Variants in GRIN2B observed in about 807,000 individuals in gnomAD.
The protein encoded by GRIN2B is glutamate ionotropic receptor NMDA type subunit 2B.
GRIN2B carries 5 observed loss-of-function variants against 114.5 expected under a neutral mutation model. The observed-to-expected ratio is 0.04, with a 90% confidence interval of 0.02 to 0.09. GRIN2B has a LOEUF of 0.09. Among genes scored for constraint, GRIN2B ranks in the 10% least tolerant of loss-of-function variants. The probability of loss-of-function intolerance (pLI) is 1.00; values close to 1 mark genes in which losing one functional copy is unlikely to be tolerated. For missense variants in GRIN2B, 1,108 were observed against 1,943.5 expected (o/e 0.57, Z 8.08); for synonymous variants, 787 against 745.1 (o/e 1.06, Z -0.92).
chr12:13,749,965 T>G lies in GRIN2B; in HGVS notation c.1010+3352A>C, dbSNP rs1270941826. ...GAGATAAGGGAAGAATGGAGGTGTA[T>G]GGACAAGGGAGACATCCAAGAGATG... On this transcript the variant is annotated intron_variant, in intron 4 of 13. Coordinates refer to ENST00000609686, the MANE Select transcript of GRIN2B (RefSeq NM_000834.5). Among the ~76,000 whole-genome samples, 4 of 152,190 alleles carry G rather than the reference T, an allele frequency of 2.6e-5. No individual in the cohort carries two copies. The East Asian group carries it at 7.7e-4, about 29-fold the overall frequency.
Position 13,539,685 on chromosome 12 carries a change from T to A in GRIN2B, c.*23098A>T, listed in dbSNP as rs1948253569. 1 of 152,204 alleles carries A rather than the reference T, an allele frequency of 6.6e-6. No homozygotes were observed. The allele number at this position is 152,204 out of a possible 1,614,324, so 9.4% of individuals were successfully genotyped here. On this transcript the variant is annotated 3_prime_UTR_variant, in exon 14 of 14. Transcript: ENST00000609686. ...TTGGGAAGAACCAGCAAAATCCAAC[T>A]GTGGGAACCTCTAAAGGATAAAGTG...
At chr12:13,962,780 T>C (rs1347162314) in intron 2 of GRIN2B, among the ~76,000 whole-genome samples, 1 of 152,116 alleles carries the variant, frequency 6.6e-6, no homozygotes, top group African/African-American at 2.4e-5. Context: ...CAGACAGAAC[T>C]TCCCAGGGGG....
chr12:13,859,787 T>C (rs1019292393), intron 3 of GRIN2B, among the ~76,000 whole-genome samples: 5 of 152,234 alleles, frequency 3.3e-5, no homozygotes, highest in African/African-American at 1.2e-4. Flanking sequence ...CCTCATGGGA[T>C]TGCATAAGAA....
At chr12:13,853,288 G>T (rs926034114) in intron 3 of GRIN2B, among the ~76,000 whole-genome samples, 1 of 152,126 alleles carries the variant, frequency 6.6e-6, no homozygotes, top group Non-Finnish European at 1.5e-5. Context: ...ACCTCAAATA[G>T]TTCCTAATAC....
At chr12:13,898,877 C>T (rs1009313992) in intron 2 of GRIN2B, among the ~76,000 whole-genome samples, 1 of 152,254 alleles carries the variant, frequency 6.6e-6, no homozygotes, top group Admixed American at 6.5e-5. Flanking sequence ...TGCCATTGCA[C>T]TCCGTGGGCA....
At chr12:13,830,734 G>T (rs1865130274) in intron 3 of GRIN2B, among the ~76,000 whole-genome samples, 1 of 152,200 alleles carries the variant, frequency 6.6e-6, no homozygotes, top group African/African-American at 2.4e-5. Context: ...TGTTAAAGCA[G>T]GCTTAATTCA....
In GRIN2B at chr12:13,866,662, C is replaced by T. The variant is rs114914720; in HGVS notation, c.-18-436G>A. 5.3e-3 allele frequency among the ~76,000 whole-genome samples: 801 copies of T among 152,252 alleles called. 14 individuals are homozygous for T. The highest frequency in any genetic ancestry group is 0.019 in the African/African-American group (778 of 41,562). ...GCAGAGGTGAGCAACAGAACATGGG[C>T]TGGATAAACTGGATGTGGGGGGCTA... On this transcript the variant is annotated intron_variant, in intron 2 of 13. Transcript: ENST00000609686.
rs556401468 is a variant in GRIN2B at position 13,556,176 on chromosome 12, C to G, written c.*6607G>C. ...TTAGCTCTGGGAGGTGTAATAATTT[C>G]AAAAGAATAAGTCCAGGCCTGGCCA... On this transcript the variant is annotated 3_prime_UTR_variant, in exon 14 of 14. Transcript: ENST00000609686. 3.2e-4 allele frequency: 48 copies of G among 152,164 alleles called. No homozygotes were observed. The highest frequency in any genetic ancestry group is 1.1e-3 in the African/African-American group (44 of 41,516). The allele number at this position is 152,164 out of a possible 1,614,324, so 9.4% of individuals were successfully genotyped here.
chr12:13,640,322 A>G (rs1458117186), intron 5 of GRIN2B, among the ~76,000 whole-genome samples: 3 of 152,158 alleles, frequency 2.0e-5, no homozygotes, highest in East Asian at 1.9e-4. Context: ...TAAATGAGAT[A>G]GCCTGTGTAG....
intron 3 of GRIN2B, among the ~76,000 whole-genome samples, chr12:13,801,079 T>C (rs1205810756): frequency 6.6e-6 from 1 of 152,174 alleles, no homozygotes; most frequent in Non-Finnish European, 1.5e-5. Context: ...CTGTCCCTAC[T>C]GCAGGAACAG....
At chr12:13,776,852 T>A (rs1159047141) in intron 3 of GRIN2B, among the ~76,000 whole-genome samples, 1 of 152,168 alleles carries the variant, frequency 6.6e-6, no homozygotes, top group Non-Finnish European at 1.5e-5. Context: ...CCCCCAAAAC[T>A]TCTTAAAATT....
intron 11 of GRIN2B, 147 bp from the exon 12 acceptor site, chr12:13,570,164 C>T: frequency 1.5e-6 from 1 of 657,874 alleles, no homozygotes; most frequent in Non-Finnish European, 2.7e-6. Flanking sequence ...CTGCCAGAAT[C>T]TAAAGCCTAA....
intron 5 of GRIN2B, among the ~76,000 whole-genome samples, chr12:13,661,669 G>T (rs747813318): frequency 3.9e-5 from 6 of 152,128 alleles, no homozygotes; most frequent in Non-Finnish European, 8.8e-5. Context: ...GTCTGCAGGG[G>T]CTAGGTAGAT....
At chr12:13,831,910 G>A (rs559236107) in intron 3 of GRIN2B, among the ~76,000 whole-genome samples, 2 of 152,298 alleles carry the variant, frequency 1.3e-5, no homozygotes, top group South Asian at 4.1e-4. Context: ...CATCTTTTCA[G>A]GAGAACGTGC....
At chr12:13,813,839 G>A (rs220593) in intron 3 of GRIN2B, among the ~76,000 whole-genome samples, 33,919 of 152,076 alleles carry the variant, frequency 0.22, 5,420 homozygotes, top group East Asian at 0.54. Flanking sequence ...AAAATTACCC[G>A]TCTTGAGTTG....
chr12:13,650,225 C>T (rs1312600684), intron 5 of GRIN2B, among the ~76,000 whole-genome samples: 2 of 152,192 alleles, frequency 1.3e-5, no homozygotes, highest in East Asian at 3.9e-4. Flanking sequence ...CATGTGGACA[C>T]TCCCTTCATA....
At chr12:13,915,088 T>A (rs1324055137) in intron 2 of GRIN2B, among the ~76,000 whole-genome samples, 1 of 152,140 alleles carries the variant, frequency 6.6e-6, no homozygotes, top group African/African-American at 2.4e-5. Flanking sequence ...AAGATAAATA[T>A]TAGAGGTGAC....
chr12:13,966,288 G>A (rs1312208146), intron 2 of GRIN2B, among the ~76,000 whole-genome samples: 2 of 152,196 alleles, frequency 1.3e-5, no homozygotes, highest in African/African-American at 4.8e-5. Flanking sequence ...AGAAATGTAA[G>A]TGATCAATAT....
chr12:13,855,162 G>A (rs1171446277), intron 3 of GRIN2B, among the ~76,000 whole-genome samples: 2 of 151,996 alleles, frequency 1.3e-5, no homozygotes, highest in Non-Finnish European at 2.9e-5. Context: ...AGGCTTCAGT[G>A]AGCCGAGATC....
Sources: allele counts gnomAD v4.1 joint callset (sites outside exome capture counted in the v4.1 genomes callset), GRCh38; gene constraint gnomAD v4.1.1; transcripts MANE v1.5; gene names NCBI Gene and HGNC (gene_info 2026-07-23, HGNC 2026-07-21).